Variants in AKNAD1 observed in about 807,000 individuals in gnomAD.
The protein encoded by AKNAD1 is AKNA domain containing 1.
Under a neutral mutation model 90.8 loss-of-function variants are expected in AKNAD1, and 67 were observed. The observed-to-expected ratio is 0.74, with a 90% CI of 0.61 to 0.90. The LOEUF (loss-of-function observed/expected upper bound fraction) is 0.90. Among genes scored for constraint, AKNAD1 ranks in the 40% least tolerant of loss-of-function variants. AKNAD1 has a pLI of 0.00. For missense variants in AKNAD1, 957 were observed against 975.4 expected (o/e 0.98, Z 0.25); for synonymous variants, 327 against 341.4 (o/e 0.96, Z 0.46).
At chr1:108,853,591 C>T (rs1000979841) in intron 1 of AKNAD1, among the ~76,000 whole-genome samples, 1 of 152,150 alleles carries the variant, frequency 6.6e-6, no homozygotes, top group African/African-American at 2.4e-5. Context: ...GTCCCCTTCT[C>T]CTGACTTTCC....
intron 11 of AKNAD1, 115 bp from the exon 12 acceptor site, chr1:108,823,803 T>C (rs1208276446): frequency 1.3e-6 from 2 of 1,505,284 alleles, no homozygotes; most frequent in Non-Finnish European, 9.0e-7. Context: ...ACCAAAGTGC[T>C]TAATGTCCCG....
intron 14 of AKNAD1, among the ~76,000 whole-genome samples, chr1:108,820,201 G>A (rs1021595940): frequency 2.0e-5 from 3 of 152,086 alleles, no homozygotes; most frequent in Non-Finnish European, 4.4e-5. Flanking sequence ...CTTATCCTTC[G>A]AAGCTCAGCT....
chr1:108,857,003 A>G lies in AKNAD1; in HGVS notation c.-178T>C, dbSNP rs910648205. ...TCTTCCCATGTCAACACTTGGCTCAATCTTGAAATCCAAAGGCATATCCAA... is the reference window on the plus strand; with the variant it reads ...TCTTCCCATGTCAACACTTGGCTCAGTCTTGAAATCCAAAGGCATATCCAA... On this transcript the variant is annotated 5_prime_UTR_variant, in exon 1 of 16. Transcript: ENST00000370001. 6.6e-6 allele frequency: 1 copy of G among 152,236 alleles called. No individual in the cohort carries two copies. The highest frequency in any genetic ancestry group is 2.4e-5 in the African/African-American group (1 of 41,456). The allele number at this position is 152,236 out of a possible 1,614,324, so 9.4% of individuals were successfully genotyped here.
chr1:108,847,310 C>T (rs771136882), intron 5 of AKNAD1, among the ~76,000 whole-genome samples: 3 of 151,826 alleles, frequency 2.0e-5, no homozygotes, highest in Non-Finnish European at 4.4e-5. Context: ...TAGCCAGGCA[C>T]GGTGGTGCAC....
rs182149051 is a variant in AKNAD1, at chr1:108,825,167, C to T, written c.1937-1479G>A. ...CAGCCCCAGTCAAGCCCTCAGATGA[C>T]GGCATCCTTGGCTGACAACTTGACC... is the stretch of plus-strand genomic sequence containing the variant. On this transcript the variant is annotated intron_variant, in intron 11 of 15. Coordinates refer to ENST00000370001, the MANE Select transcript of AKNAD1 (RefSeq NM_152763.5). Among the ~76,000 whole-genome samples the T allele has an allele frequency of 6.1e-4, 92 of 151,662 alleles. 1 individual carries two copies. Among genetic ancestry groups the T allele is most frequent in the African/African-American group, 2.0e-3 (82 of 41,500 alleles).
At chr1:108,816,887 A>G in intron 15 of AKNAD1, 161 bp downstream of exon 15, 1 of 760,322 alleles carries the variant, frequency 1.3e-6, no homozygotes, top group Non-Finnish European at 2.1e-6. Context: ...GCGACTGCTG[A>G]GGCTGTGTGT....
At chr1:108,850,184 C>CT (rs994474548) in intron 2 of AKNAD1, among the ~76,000 whole-genome samples, 8 of 152,186 alleles carry the variant, frequency 5.3e-5, no homozygotes, top group African/African-American at 1.9e-4. Context: ...GGGGTCTTTC[C>CT]TTTGTTCCCA....
rs750541043 is a variant in AKNAD1, at chr1:108,852,270, G to T, written c.395C>A (p.Thr132Asn). The T allele has an allele frequency of 3.0e-5, 49 of 1,613,936 alleles. No homozygotes were observed. Among genetic ancestry groups the T allele is most frequent in the Non-Finnish European group, 3.8e-5 (45 of 1,180,012 alleles). The change falls in exon 2 of 16, where the codon ACC becomes AAC. Residue 132 changes from threonine to asparagine, a missense_variant. Thr to Asn is a moderately conservative substitution (Grantham distance 65). Transcript: ENST00000370001. ...GTCGGCATTTGAGATCTCTGGGAGG[G>T]TTTCACAATCAATGCCTTGACCTCT... ...FLRGQGIDCE[T>N]LPEISNADSF...
At chr1:108,841,997 T>C (rs2101200172) in intron 6 of AKNAD1, among the ~76,000 whole-genome samples, 1 of 152,276 alleles carries the variant, frequency 6.6e-6, no homozygotes, top group East Asian at 1.9e-4. Context: ...CAGAAACCTG[T>C]CTTTAAAATG....
In AKNAD1 at chr1:108,841,387, A is replaced by G. The variant is rs955495728; in HGVS notation, c.1379+1747T>C. ...TGTGATCTTTTCTTTAAAGCAGAAC[A>G]TAAGATTTTATGCTGAGACTCTCAG... On this transcript the variant is annotated intron_variant, in intron 6 of 15. Coordinates refer to ENST00000370001, the MANE Select transcript of AKNAD1 (RefSeq NM_152763.5). Among the ~76,000 whole-genome samples the G allele has an allele frequency of 2.0e-5, 3 of 152,220 alleles. No individual in the cohort carries two copies. In the East Asian group the frequency reaches 5.8e-4, roughly 29 times the overall value.
At chr1:108,850,525 T>C (rs542307330) in intron 2 of AKNAD1, among the ~76,000 whole-genome samples, 2 of 152,100 alleles carry the variant, frequency 1.3e-5, no homozygotes, top group African/African-American at 4.8e-5. Context: ...ATCCCAGTCA[T>C]GGCCAGGTGG....
rs201355205 is a variant in AKNAD1, at chr1:108,834,526, T to C, written c.1667A>G (p.Tyr556Cys). The C allele has an allele frequency of 4.4e-4, 661 of 1,505,254 alleles. 1 individual carries two copies. The highest frequency in any genetic ancestry group is 5.6e-4 in the Non-Finnish European group (630 of 1,131,680). The allele number at this position is 1,505,254 out of a possible 1,614,324, so 93.2% of individuals were successfully genotyped here. Residue 556 changes from tyrosine (Y) to cysteine (C), a missense_variant and splice_region_variant, in exon 9 of 16, where the codon TAC (tyrosine) becomes TGC (cysteine). Coordinates refer to ENST00000370001, the MANE Select transcript of AKNAD1 (RefSeq NM_152763.5). ...TGCATCTCCATAATGACCGTTTAGG[T>C]AACTAATTTAAAAAAAAAAAAAGCA... Reference protein sequence around the residue: ...EELCELAPQTYLNGHYGDAAA... With the variant: ...EELCELAPQTCLNGHYGDAAA...
chr1:108,849,684 AG>A (rs1442990886), intron 2 of AKNAD1, 108 bp from the exon 3 acceptor site: 1 of 795,514 alleles, frequency 1.3e-6, no homozygotes, highest in Non-Finnish European at 2.1e-6. Context: ...CCAGGTTTGC[AG>A]TCAAGAGCCG....
At chr1:108,844,977 C>G (rs1308157445) in intron 5 of AKNAD1, among the ~76,000 whole-genome samples, 4 of 152,076 alleles carry the variant, frequency 2.6e-5, no homozygotes, top group African/African-American at 9.7e-5. Context: ...CACCACCATG[C>G]CTGGCTAATT....
chr1:108,843,354 C>T (rs1664609113), intron 5 of AKNAD1, 87 bp from the exon 6 acceptor site: 1 of 1,494,186 alleles, frequency 6.7e-7, no homozygotes, highest in African/African-American at 1.4e-5. Flanking sequence ...GTGTACCCTA[C>T]AGTAGTGTCA....
intron 6 of AKNAD1, among the ~76,000 whole-genome samples, chr1:108,841,032 G>T (rs977479788): frequency 2.6e-5 from 4 of 152,018 alleles, no homozygotes; most frequent in African/African-American, 7.3e-5. Flanking sequence ...AATTAGTCAG[G>T]CATGGTGGCA....
intron 6 of AKNAD1, among the ~76,000 whole-genome samples, chr1:108,840,605 C>T (rs191789825): frequency 6.6e-6 from 1 of 152,184 alleles, no homozygotes; most frequent in Admixed American, 6.5e-5. Context: ...TAAATATACA[C>T]TAACCTATAA....
chr1:108,818,454 C>G (rs574197513), intron 14 of AKNAD1, among the ~76,000 whole-genome samples: 1 of 152,262 alleles, frequency 6.6e-6, no homozygotes, highest in African/African-American at 2.4e-5. Flanking sequence ...GCAGAGTCCT[C>G]TCTCTCCCCA....
Position 108,825,974 on chromosome 1 carries a change from C to G in AKNAD1, c.1936+1231G>C, listed in dbSNP as rs940216346. On this transcript the variant is annotated intron_variant, in intron 11 of 15. Transcript: ENST00000370001. Reference sequence around the variant, plus strand: ...AGGCAACTGGATTCCATAACTGCATCTCCATCAGTTGCCTGTAATACTAGC... The same window carrying G: ...AGGCAACTGGATTCCATAACTGCATGTCCATCAGTTGCCTGTAATACTAGC... Among the ~76,000 whole-genome samples the G allele has an allele frequency of 2.0e-5, 3 of 151,664 alleles. No homozygotes were observed. The South Asian group carries it at 6.3e-4, about 32-fold the overall frequency.
Sources: allele counts gnomAD v4.1 joint callset (sites outside exome capture counted in the v4.1 genomes callset), GRCh38; gene constraint gnomAD v4.1.1; transcripts MANE v1.5; gene names NCBI Gene and HGNC (gene_info 2026-07-23, HGNC 2026-07-21).